RNH1: variants seen among roughly 807,000 people sequenced by gnomAD.
RNH1 encodes ribonuclease/angiogenin inhibitor 1, also known as ribonuclease inhibitor.
Under a neutral mutation model 46.1 loss-of-function variants are expected in RNH1, and 38 were observed. The ratio of observed to expected loss-of-function variants is 0.82; its 90% CI spans 0.64 to 1.08. The LOEUF (loss-of-function observed/expected upper bound fraction) is 1.08. Ranked by LOEUF, RNH1 falls within the 50% of genes least tolerant of loss-of-function variation. The probability of loss-of-function intolerance (pLI) is 0.00; values close to 1 mark genes in which losing one functional copy is unlikely to be tolerated. For synonymous variants in RNH1, 319 were observed against 279.1 expected (o/e 1.14, Z -1.43); for missense variants, 577 against 590.7 (o/e 0.98, Z 0.24).
chr11:503,687 T>G (rs905678152), intron 2 of RNH1: 1 of 152,282 alleles, frequency 6.6e-6, no homozygotes, highest in Non-Finnish European at 1.5e-5. Flanking sequence ...AAATCCAGCC[T>G]GACACTCCTG....
intron 4 of RNH1, chr11:500,253 G>A: frequency 1.5e-6 from 1 of 665,188 alleles, no homozygotes. Flanking sequence ...GGCTAGGGAT[G>A]GCGGGCAGGG....
intron 2 of RNH1, chr11:503,326 G>A (rs1053356852): frequency 2.6e-5 from 4 of 152,472 alleles, no homozygotes; most frequent in African/African-American, 4.8e-5. Flanking sequence ...AGCTTCCTGA[G>A]TCTGTGTGCC....
At chr11:498,263 G>T in intron 8 of RNH1, 122 bp from the exon 9 acceptor site, 1 of 1,275,668 alleles carries the variant, frequency 7.8e-7, no homozygotes, top group Non-Finnish European at 1.1e-6. Context: ...CTCCCAGCAA[G>T]TGGGCACCTA....
At chr11:503,929 C>T (rs183674592) in intron 2 of RNH1, among the ~76,000 whole-genome samples, 3 of 152,338 alleles carry the variant, frequency 2.0e-5, no homozygotes, top group African/African-American at 4.8e-5. Context: ...CGGGAGTAAA[C>T]GCCCTTCTCT....
rs150759500 is a variant in RNH1 at position 498,911 on chromosome 11, A to G, written c.637T>C (p.Ser213Pro). The change falls in exon 7 of 11, where the codon TCA (serine) becomes CCA (proline). Residue 213 changes from serine to proline, a missense_variant. Ser to Pro is a moderately conservative substitution (Grantham distance 74, BLOSUM62 -1). Transcript: ENST00000354420. ...ALKLESCGVT[S>P]DNCRDLCGIV... ...CCGCACAGGTCCCGGCAGTTGTCTG[A>G]TGTCACACCGCAGCTCTCCAGCCTG... 748 of 1,612,600 alleles carry G rather than the reference A, an allele frequency of 4.6e-4. 4 individuals are homozygous for G. The African/African-American group carries it at 6.3e-3, about 14-fold the overall frequency.
chr11:497,215 G>GGA (rs1849190229), intron 9 of RNH1, among the ~76,000 whole-genome samples: 1 of 73,168 alleles, frequency 1.4e-5, no homozygotes, highest in African/African-American at 7.1e-5. Context: ...ATGTGCTCAC[G>GGA]TACTCTCGCC....
Position 500,018 on chromosome 11 carries a change from T to TCA in RNH1, c.273-21_273-20dup. On this transcript the variant is annotated intron_variant, in intron 4 of 10. Coordinates refer to ENST00000354420, the MANE Select transcript of RNH1 (RefSeq NM_203387.3). ...CTGGAGGCTGGAGCATACCTGGCTGTCAGCAGGGCTCCCCTGAGCCAAGCT... is the reference window on the plus strand; with the variant it reads ...CTGGAGGCTGGAGCATACCTGGCTGTCACAGCAGGGCTCCCCTGAGCCAAGCT... 6.6e-7 allele frequency: 1 copy of TCA among 1,523,696 alleles called. No homozygotes were observed. Among genetic ancestry groups the TCA allele is most frequent in the South Asian group, 1.2e-5 (1 of 81,394 alleles). The allele number at this position is 1,523,696 out of a possible 1,614,324, so 94.4% of individuals were successfully genotyped here.
At chr11:495,831 T>A (rs979754786) in intron 9 of RNH1, among the ~76,000 whole-genome samples, 1 of 151,784 alleles carries the variant, frequency 6.6e-6, no homozygotes, top group African/African-American at 2.4e-5. Context: ...TGTCCAGGGC[T>A]CCCGGGCCTC....
chr11:495,078 G>A (rs12574522), intron 9 of RNH1, 25 bp from the exon 10 acceptor site: 2 of 1,594,816 alleles, frequency 1.3e-6, no homozygotes, highest in Non-Finnish European at 1.7e-6. Flanking sequence ...GCGGGGGTCA[G>A]GGTGCCGGGC....
At chr11:504,625 C>CG (rs1427635132) in intron 2 of RNH1, 199 bp downstream of exon 2, 2 of 152,436 alleles carry the variant, frequency 1.3e-5, no homozygotes. Context: ...CCACTCCCCC[C>CG]TGGGTCGGGG....
At position 497,781 on chromosome 11, in the gene RNH1, T is replaced by C. The variant is rs1030503380; in HGVS notation, c.1127+190A>G. On this transcript the variant is annotated intron_variant, in intron 9 of 10. Transcript: ENST00000354420. ...TGCTCACACGGACACGTGCTCACTCTCACATGCTCACGGACACCCATGCTC... is the reference window on the plus strand; with the variant it reads ...TGCTCACACGGACACGTGCTCACTCCCACATGCTCACGGACACCCATGCTC... 5.1e-4 allele frequency among the ~76,000 whole-genome samples: 77 copies of C among 149,886 alleles called. 1 individual carries two copies. Among genetic ancestry groups the C allele is most frequent in the Admixed American group, 7.9e-4 (12 of 15,174 alleles).
At chr11:500,145 T>C in intron 4 of RNH1, 146 bp from the exon 5 acceptor site, 1 of 981,520 alleles carries the variant, frequency 1.0e-6, no homozygotes. Context: ...GGGTCTGGGG[T>C]CTCCAGGCCG....
intron 9 of RNH1, among the ~76,000 whole-genome samples, chr11:497,451 A>T (rs1316299150): frequency 1.4e-5 from 2 of 144,070 alleles, no homozygotes; most frequent in Non-Finnish European, 3.0e-5. Flanking sequence ...CCATGTGCTC[A>T]CACACACTCG....
chr11:500,119 C>A, intron 4 of RNH1, 120 bp from the exon 5 acceptor site: 1 of 1,199,718 alleles, frequency 8.3e-7, no homozygotes, highest in Non-Finnish European at 1.1e-6. Flanking sequence ...CTGCTCCTTC[C>A]CTGGACGGGG....
In RNH1 at chr11:497,613, GCTCA is replaced by G. The variant is rs1232400548; in HGVS notation, c.1127+354_1127+357del. 3.7e-5 allele frequency among the ~76,000 whole-genome samples: 5 copies of G among 135,102 alleles called. 1 individual carries two copies. The highest frequency in any genetic ancestry group is 2.4e-4 in the South Asian group (1 of 4,146). 88.6% of individuals were successfully genotyped at this position (135,102 alleles called of 152,430 possible). On this transcript the variant is annotated intron_variant, in intron 9 of 10. Coordinates refer to ENST00000354420, the MANE Select transcript of RNH1 (RefSeq NM_203387.3). ...CATGTGCTCACACACTGACCCTCGT[GCTCA>G]CTCTCACGTGCTCACACACGGACAC...
intron 9 of RNH1, among the ~76,000 whole-genome samples, chr11:496,999 T>A (rs1259414810): frequency 6.6e-6 from 1 of 152,198 alleles, no homozygotes; most frequent in Non-Finnish European, 1.5e-5. Context: ...TAAGCCAGAG[T>A]GGTGCCGCCA....
chr11:504,466 G>C (rs926611569), intron 2 of RNH1: 1 of 152,340 alleles, frequency 6.6e-6, no homozygotes, highest in East Asian at 1.9e-4. Flanking sequence ...GAGCCGCTCC[G>C]CGTTCCTTCC....
intron 1 of RNH1, chr11:505,963 T>A (rs1328640944): frequency 7.2e-6 from 1 of 138,316 alleles, no homozygotes; most frequent in East Asian, 2.3e-4. Context: ...CACCGCAACC[T>A]CCGCCTCCTG....
In RNH1 at chr11:494,953, G is replaced by A. The variant is rs1401455887; in HGVS notation, c.1228C>T (p.Leu410=). The A allele has an allele frequency of 1.9e-6, 3 of 1,607,700 alleles. No homozygotes were observed. The highest frequency in any genetic ancestry group is 2.5e-6 in the Non-Finnish European group (3 of 1,177,502). ...LRELDLSNNC[L]GDAGILQLVE... ...AGCTGCAGGATGCCGGCGTCCCCCA[G>A]GCAGTTGTTGCTGAGGTCCAGCTCA... The change falls in exon 10 of 11, where the codon CTG becomes TTG. Residue 410 remains leucine, a synonymous_variant. Transcript: ENST00000354420.
Sources: allele counts gnomAD v4.1 joint callset (sites outside exome capture counted in the v4.1 genomes callset), GRCh38; gene constraint gnomAD v4.1.1; transcripts MANE v1.5; gene names NCBI Gene and HGNC (gene_info 2026-07-23, HGNC 2026-07-21).